The following ABI3BP variants were observed in gnomAD, a reference collection of about 807,000 sequenced individuals.
The protein encoded by ABI3BP is ABI family member 3 binding protein.
Under a neutral mutation model 268.6 loss-of-function variants are expected in ABI3BP, and 216 were observed. That is an observed-to-expected ratio of 0.80 (90% CI 0.72 to 0.90). The LOEUF is 0.90. Ranked by LOEUF, ABI3BP falls within the 40% of genes least tolerant of loss-of-function variation. The pLI is 0.00. For synonymous variants in ABI3BP, 730 were observed against 730.0 expected (o/e 1.00, Z 0.00); for missense variants, 2,090 against 2,182.4 (o/e 0.96, Z 0.84).
At chr3:100,799,455 A>G (rs2152304927) in intron 51 of ABI3BP, among the ~76,000 whole-genome samples, 1 of 152,232 alleles carries the variant, frequency 6.6e-6, no homozygotes, top group East Asian at 1.9e-4. Flanking sequence ...TTTCTAATCA[A>G]TGGTATATGT....
chr3:100,880,502 T>C (rs551634151), intron 6 of ABI3BP, among the ~76,000 whole-genome samples: 6 of 152,338 alleles, frequency 3.9e-5, no homozygotes, highest in African/African-American at 7.2e-5. Context: ...CAAACCCAGG[T>C]TGGGCTATGC....
chr3:100,957,363 A>C (rs1300100766), intron 1 of ABI3BP, among the ~76,000 whole-genome samples: 1 of 152,188 alleles, frequency 6.6e-6, no homozygotes, highest in Admixed American at 6.5e-5. Context: ...CAGGACAGGA[A>C]AATATGGGGT....
At chr3:100,873,225 T>C (rs951896824) in intron 9 of ABI3BP, among the ~76,000 whole-genome samples, 1 of 152,196 alleles carries the variant, frequency 6.6e-6, no homozygotes, top group African/African-American at 2.4e-5. Flanking sequence ...GTCTGGATAT[T>C]TGAAAAACAC....
At chr3:100,782,143 G>T (rs926007457) in intron 57 of ABI3BP, among the ~76,000 whole-genome samples, 2 of 152,202 alleles carry the variant, frequency 1.3e-5, no homozygotes, top group Non-Finnish European at 2.9e-5. Flanking sequence ...GCCATAGCTG[G>T]CAAGCATGTG....
At chr3:100,921,433 C>A (rs2060189148) in intron 2 of ABI3BP, among the ~76,000 whole-genome samples, 1 of 151,284 alleles carries the variant, frequency 6.6e-6, no homozygotes, top group African/African-American at 2.4e-5. Flanking sequence ...GAGACATTAG[C>A]AAAATTACTA....
At chr3:100,945,114 T>C (rs1454327505) in intron 1 of ABI3BP, among the ~76,000 whole-genome samples, 1 of 152,060 alleles carries the variant, frequency 6.6e-6, no homozygotes, top group Non-Finnish European at 1.5e-5. Flanking sequence ...TAACATCTCA[T>C]CCAGAAAAAA....
intron 2 of ABI3BP, among the ~76,000 whole-genome samples, chr3:100,918,878 C>T (rs1370870074): frequency 6.6e-6 from 1 of 152,168 alleles, no homozygotes; most frequent in Non-Finnish European, 1.5e-5. Context: ...TTCCTAGCTT[C>T]AAATCCTTTA....
intron 34 of ABI3BP, among the ~76,000 whole-genome samples, chr3:100,827,280 G>A (rs921932182): frequency 3.3e-5 from 5 of 152,078 alleles, no homozygotes; most frequent in Admixed American, 6.6e-5. Context: ...CTACAAAAAG[G>A]GAAGATCCTG....
At chr3:100,866,786 A>T in intron 10 of ABI3BP, 93 bp downstream of exon 10, 1 of 1,028,308 alleles carries the variant, frequency 9.7e-7, no homozygotes, top group Non-Finnish European at 1.5e-6. Flanking sequence ...TGTATTTCCT[A>T]CTGGCTCTTT....
At chr3:100,818,465 C>T in intron 41 of ABI3BP, 60 bp downstream of exon 41, 2 of 1,352,530 alleles carry the variant, frequency 1.5e-6, no homozygotes, top group Non-Finnish European at 2.0e-6. Context: ...AAGAAACTGA[C>T]TACAGTGGTA....
chr3:100,766,990 T>G (rs1469381378), intron 62 of ABI3BP, among the ~76,000 whole-genome samples: 1 of 152,096 alleles, frequency 6.6e-6, no homozygotes, highest in Non-Finnish European at 1.5e-5. Context: ...AGACCCCAAT[T>G]CACCAATTCA....
In ABI3BP at chr3:100,787,750, G is replaced by A; in HGVS notation, c.4140C>T (p.Pro1380=). 1 of 1,532,646 alleles carries A rather than the reference G, an allele frequency of 6.5e-7. No homozygotes were observed. The highest frequency in any genetic ancestry group is 2.4e-5 in the East Asian group (1 of 40,822). 94.9% of individuals were successfully genotyped at this position (1,532,646 alleles called of 1,614,324 possible). ...TACCTGTTCCCACTCCATTCCCACT[G>A]GGCATCCCACTGGGTTTGGGCCTAG... ...RPTRPKPSGM[P]SGNGVGTGVK... Residue 1380 remains proline, a synonymous_variant, in exon 57 of 68, where the codon CCC becomes CCT. Transcript: ENST00000471714.
chr3:100,916,723 G>A (rs2058719211), intron 2 of ABI3BP, among the ~76,000 whole-genome samples: 1 of 152,214 alleles, frequency 6.6e-6, no homozygotes, highest in African/African-American at 2.4e-5. Flanking sequence ...CCAGCCTGGA[G>A]AATGGAACAC....
intron 23 of ABI3BP, among the ~76,000 whole-genome samples, chr3:100,839,848 G>T (rs1369055073): frequency 6.6e-6 from 1 of 151,962 alleles, no homozygotes. Flanking sequence ...CACTTAATGG[G>T]CCAGCTTTCT....
chr3:100,770,289 G>T (rs1383453022), intron 62 of ABI3BP, among the ~76,000 whole-genome samples: 1 of 152,102 alleles, frequency 6.6e-6, no homozygotes, highest in Non-Finnish European at 1.5e-5. Flanking sequence ...AATTTCTTAA[G>T]ATGAGAAGAA....
intron 2 of ABI3BP, chr3:100,911,121 C>A: frequency 3.0e-6 from 1 of 336,726 alleles, no homozygotes; most frequent in Non-Finnish European, 5.8e-6. Flanking sequence ...GCTGTGATTT[C>A]TTGAATTGTC....
chr3:100,788,368 T>C (rs2097110318), intron 56 of ABI3BP, among the ~76,000 whole-genome samples: 1 of 152,114 alleles, frequency 6.6e-6, no homozygotes, highest in Non-Finnish European at 1.5e-5. Context: ...AGAGGTGATC[T>C]ATTTTATAAC....
At position 100,813,664 on chromosome 3, in the gene ABI3BP, G is replaced by GTTGA. The variant is rs766095439; in HGVS notation, c.3357_3360dup (p.Pro1121SerfsTer5). On this transcript the variant is annotated frameshift_variant, in exon 45 of 68. Transcript: ENST00000471714. LOFTEE classifies it high-confidence loss of function. ...ACAGATAAAACAATCTATTTACCAG[G>GTTGA]TTGACTTTCTGTCATTTCTAGGCTT... 1 of 1,534,116 alleles carries GTTGA rather than the reference G, an allele frequency of 6.5e-7. No homozygotes were observed. The highest frequency in any genetic ancestry group is 1.2e-5 in the South Asian group (1 of 83,976).
At chr3:100,875,450 A>G (rs1347280649) in intron 8 of ABI3BP, 58 bp downstream of exon 8, 14 of 1,323,106 alleles carry the variant, frequency 1.1e-5, no homozygotes, top group East Asian at 2.3e-5. Context: ...GAAAAGCCCT[A>G]TCCTCAAAAG....
Sources: gnomAD v4.1 joint callset for allele counts (sites outside exome capture counted in the v4.1 genomes callset) on GRCh38, gnomAD v4.1.1 for gene constraint, MANE v1.5 for transcripts, NCBI Gene and HGNC (gene_info 2026-07-23, HGNC 2026-07-21) for gene names.